The following TYR variants were observed in gnomAD, a reference collection of about 807,000 sequenced individuals.
TYR encodes tyrosinase, also known as LB24-AB.
TYR carries 58 observed loss-of-function variants against 51.5 expected under a neutral mutation model. That is an observed-to-expected ratio of 1.13 (90% CI 0.91 to 1.40). The LOEUF is 1.40. Ranked by LOEUF, TYR falls within the 40% of genes most tolerant of loss-of-function variation. The pLI is 0.00. For synonymous variants in TYR, 263 were observed against 235.2 expected, an observed-to-expected ratio of 1.12 and a Z score of -1.08; for missense variants, 732 against 647.4, an observed-to-expected ratio of 1.13 and a Z score of -1.42.
At chr11:89,255,229 C>T (rs1944375705) in intron 3 of TYR, among the ~76,000 whole-genome samples, 2 of 151,312 alleles carry the variant, frequency 1.3e-5, no homozygotes, top group African/African-American at 2.4e-5. Flanking sequence ...TTTTGTGGCC[C>T]ATCATATGAT....
intron 3 of TYR, 93 bp downstream of exon 3, chr11:89,228,063 G>A (rs1432764139): frequency 2.0e-6 from 3 of 1,499,008 alleles, no homozygotes; most frequent in Admixed American, 1.7e-5. Flanking sequence ...TAAAAGCTAA[G>A]AAGTTATGGT....
At chr11:89,192,316 C>CAA (rs200477584) in intron 2 of TYR, among the ~76,000 whole-genome samples, 2 of 150,776 alleles carry the variant, frequency 1.3e-5, no homozygotes, top group African/African-American at 4.9e-5. Flanking sequence ...CAAAAACAAA[C>CAA]AAAAAAAAAC....
rs549996532 is a variant in TYR at position 89,248,927 on chromosome 11, T to C, written c.1184+20957T>C. Among the ~76,000 whole-genome samples the C allele has an allele frequency of 1.3e-3, 197 of 152,236 alleles. 1 individual carries two copies. Among genetic ancestry groups the C allele is most frequent in the African/African-American group, 4.4e-3 (184 of 41,564 alleles). ...GACTATGTGATAATATAGATGTAGT[T>C]AGTAATTTTAAAAATAAAGAAAAAA... On this transcript the variant is annotated intron_variant, in intron 3 of 4. Transcript: ENST00000263321.
At chr11:89,203,784 A>C (rs975148413) in intron 2 of TYR, among the ~76,000 whole-genome samples, 1 of 152,232 alleles carries the variant, frequency 6.6e-6, no homozygotes, top group African/African-American at 2.4e-5. Context: ...AAAGAAAAAA[A>C]CACCAACAAA....
chr11:89,260,461 T>C (rs1944444051), intron 3 of TYR, among the ~76,000 whole-genome samples: 1 of 152,054 alleles, frequency 6.6e-6, no homozygotes, highest in Admixed American at 6.6e-5. Flanking sequence ...TCTGGCAATG[T>C]TATTCTTCAA....
chr11:89,256,881 T>C (rs3936623), intron 3 of TYR, among the ~76,000 whole-genome samples: 15,192 of 151,886 alleles, frequency 0.1, 988 homozygotes, highest in South Asian at 0.19. Flanking sequence ...CAACTGGTAC[T>C]GATAGCTCAT....
chr11:89,204,824 T>TAA (rs768437651), intron 2 of TYR, among the ~76,000 whole-genome samples: 2,423 of 140,024 alleles, frequency 0.017, 57 homozygotes, highest in African/African-American at 0.058. Context: ...ATCCTTGAAT[T>TAA]AAAAAAAAAA....
intron 3 of TYR, among the ~76,000 whole-genome samples, chr11:89,271,081 T>C (rs548202098): frequency 8.5e-4 from 129 of 152,026 alleles, no homozygotes; most frequent in African/African-American, 2.9e-3. Context: ...TATAAAAGTT[T>C]AAAGAACCCC....
intron 2 of TYR, among the ~76,000 whole-genome samples, chr11:89,212,166 G>A (rs2135270128): frequency 6.6e-6 from 1 of 152,058 alleles, no homozygotes; most frequent in East Asian, 1.9e-4. Flanking sequence ...CTGTTTTTTT[G>A]AAAAGATCAA....
chr11:89,183,030 A>G (rs1221293303), intron 1 of TYR, among the ~76,000 whole-genome samples: 1 of 152,142 alleles, frequency 6.6e-6, no homozygotes, highest in African/African-American at 2.4e-5. Context: ...GCTCAGTGAA[A>G]TAACAGCTTC....
intron 2 of TYR, among the ~76,000 whole-genome samples, chr11:89,194,429 G>A (rs539624324): frequency 2.4e-4 from 36 of 152,178 alleles, no homozygotes; most frequent in African/African-American, 8.4e-4. Flanking sequence ...CTCCAGATGT[G>A]GTCCAATTTT....
At chr11:89,274,081 A>G (rs1944622645) in intron 3 of TYR, among the ~76,000 whole-genome samples, 1 of 151,914 alleles carries the variant, frequency 6.6e-6, no homozygotes, top group African/African-American at 2.4e-5. Flanking sequence ...AATATGTTAT[A>G]ATCCCCACTT....
At chr11:89,222,638 C>G (rs578251047) in intron 2 of TYR, among the ~76,000 whole-genome samples, 2 of 152,200 alleles carry the variant, frequency 1.3e-5, no homozygotes, top group South Asian at 4.2e-4. Context: ...ACTCTGGAGT[C>G]TGAGGCAGGA....
chr11:89,226,746 CT>C (rs1249734174), intron 2 of TYR, among the ~76,000 whole-genome samples: 1 of 152,040 alleles, frequency 6.6e-6, no homozygotes, highest in Non-Finnish European at 1.5e-5. Context: ...TCTTTTTTCA[CT>C]GTTTCTGTTG....
At chr11:89,275,778 T>A (rs558768298) in intron 3 of TYR, among the ~76,000 whole-genome samples, 1 of 151,816 alleles carries the variant, frequency 6.6e-6, no homozygotes, top group South Asian at 2.1e-4. Flanking sequence ...TAGCTTGGTG[T>A]TTGACTTATT....
chr11:89,182,622 T>C (rs1405414960), intron 1 of TYR, among the ~76,000 whole-genome samples: 2 of 152,176 alleles, frequency 1.3e-5, no homozygotes, highest in African/African-American at 4.8e-5. Flanking sequence ...TTTGGAAATA[T>C]TGTGTTCCTA....
Position 89,227,842 on chromosome 11 carries a change from T to A in TYR, c.1056T>A (p.Thr352=). ...NTLEGFASPL[T]GIADASQSSM... ...GAACAGGATTTGCTAGTCCACTTAC[T>A]GGGATAGCGGATGCCTCTCAAAGCA... Residue 352 remains threonine (T), a synonymous_variant, in exon 3 of 5, where the codon ACT becomes ACA. Transcript: ENST00000263321. The A allele has an allele frequency of 6.2e-7, 1 of 1,613,298 alleles. No homozygotes were observed. Among genetic ancestry groups the A allele is most frequent in the Non-Finnish European group, 8.5e-7 (1 of 1,179,668 alleles).
At chr11:89,218,610 T>C (rs1943866337) in intron 2 of TYR, among the ~76,000 whole-genome samples, 1 of 152,152 alleles carries the variant, frequency 6.6e-6, no homozygotes, top group Admixed American at 6.5e-5. Context: ...CAAAATAACC[T>C]TACAAATTAC....
chr11:89,286,167 G>C (rs1468408705), intron 4 of TYR, among the ~76,000 whole-genome samples: 1 of 151,728 alleles, frequency 6.6e-6, no homozygotes, highest in East Asian at 1.9e-4. Flanking sequence ...ACTTTTGAAG[G>C]GTTCAACCTA....
Sources: allele counts gnomAD v4.1 joint callset (sites outside exome capture counted in the v4.1 genomes callset), GRCh38; gene constraint gnomAD v4.1.1; transcripts MANE v1.5; gene names NCBI Gene and HGNC (gene_info 2026-07-23, HGNC 2026-07-21).